Variants in AFF2 observed in about 807,000 individuals in gnomAD.
AFF2 encodes the protein AF4/FMR2 family member 2.
AFF2 carries 14 observed loss-of-function variants against 76.9 expected under a neutral mutation model. That is an observed-to-expected ratio of 0.18 (90% CI 0.12 to 0.28). The LOEUF is 0.28. Ranked by LOEUF, AFF2 falls within the 10% of genes least tolerant of loss-of-function variation. AFF2 has a pLI of 1.00. For missense variants in AFF2, 868 were observed against 1,001.1 expected (o/e 0.87, Z 1.79); for synonymous variants, 398 against 366.7 (o/e 1.09, Z -0.98).
chrX:148,774,537 T>C (rs782100980), intron 3 of AFF2, among the ~76,000 whole-genome samples: 1 of 111,360 alleles, frequency 9.0e-6, no homozygotes, highest in Non-Finnish European at 1.9e-5. Context: ...TCTACATTCC[T>C]CTCTTATTTA....
intron 9 of AFF2, among the ~76,000 whole-genome samples, chrX:148,918,516 T>C (rs1161919455): frequency 8.9e-6 from 1 of 111,904 alleles, no homozygotes; most frequent in Non-Finnish European, 1.9e-5. Flanking sequence ...TTCCTGTTAG[T>C]TGGCTTTTTT....
Position 148,956,185 on chromosome X carries a change from G to A in AFF2, c.2140G>A (p.Asp714Asn), listed in dbSNP as rs2072036253. Residue 714 changes from aspartate to asparagine, a missense_variant, in exon 11 of 21, where the codon GAT becomes AAT. Physicochemically the swap from Asp to Asn is conservative, Grantham distance 23. This residue lies in a region of AFF2 where 532 missense variants were observed against 564.2 expected (regional missense o/e 0.94). Transcript: ENST00000370460. ...AAAGTCTCGGGAATTCATTGAAACA[G>A]ATTCATCTACATCTGACTCCAACAC... is the stretch of plus-strand genomic sequence containing the variant. ...VPKSREFIET[D>N]SSTSDSNTDQ... 1.7e-6 allele frequency: 2 copies of A among 1,211,079 alleles called. No individual in the cohort carries two copies. The highest frequency in any genetic ancestry group is 3.0e-5 in the East Asian group (1 of 33,811).
At chrX:148,875,952 A>G (rs1557277833) in intron 7 of AFF2, among the ~76,000 whole-genome samples, 2 of 111,895 alleles carry the variant, frequency 1.8e-5, no homozygotes, top group African/African-American at 6.5e-5. Flanking sequence ...GAAAAAGTTG[A>G]TATAGTAATA....
At chrX:148,677,457 T>A (rs1482413002) in intron 3 of AFF2, among the ~76,000 whole-genome samples, 1 of 112,314 alleles carries the variant, frequency 8.9e-6, no homozygotes, top group Non-Finnish European at 1.9e-5. Context: ...ACTTAAAAAT[T>A]AATGTCTTAC....
chrX:148,737,779 T>C (rs1180978887), intron 3 of AFF2, among the ~76,000 whole-genome samples: 1 of 111,965 alleles, frequency 8.9e-6, no homozygotes, highest in African/African-American at 3.2e-5. Flanking sequence ...TTTATTACAT[T>C]AAGGTATGTT....
intron 9 of AFF2, among the ~76,000 whole-genome samples, chrX:148,910,868 A>T (rs1473811860): frequency 9.0e-6 from 1 of 111,604 alleles, no homozygotes; most frequent in Non-Finnish European, 1.9e-5. Context: ...GGGTTGATAG[A>T]CCTGGGTTCT....
intron 1 of AFF2, among the ~76,000 whole-genome samples, chrX:148,601,716 G>T (rs1430557476): frequency 3.6e-5 from 4 of 110,905 alleles, no homozygotes; most frequent in African/African-American, 1.3e-4. Context: ...TATTATAAAA[G>T]ATTTTAAGTT....
rs188192108 is a variant in AFF2, at chrX:148,941,237, G to T, written c.1398-12343G>T. On this transcript the variant is annotated intron_variant, in intron 9 of 20. Transcript: ENST00000370460. ...GAACACCTTCTTGTTCTTAATGTGA[G>T]TGTGTCATAATTAGCAATGCATGTG... Among the ~76,000 whole-genome samples the T allele has an allele frequency of 3.0e-3, 338 of 111,669 alleles. 2 individuals carry two copies. The highest frequency in any genetic ancestry group is 0.011 in the African/African-American group (325 of 30,728).
intron 8 of AFF2, among the ~76,000 whole-genome samples, chrX:148,896,975 G>C (rs1201543621): frequency 9.4e-6 from 1 of 106,342 alleles, no homozygotes; most frequent in Non-Finnish European, 1.9e-5. Context: ...CTAGCTTCCT[G>C]TTTCTCCCTC....
chrX:148,975,943 CAAA>C (rs59057839), intron 16 of AFF2, among the ~76,000 whole-genome samples: 2 of 22,717 alleles, frequency 8.8e-5, no homozygotes, highest in Non-Finnish European at 1.1e-4. Flanking sequence ...GACTCCGTCT[CAAA>C]AAAAAAAAAA....
intron 1 of AFF2, among the ~76,000 whole-genome samples, chrX:148,538,675 T>C (rs782551619): frequency 8.9e-6 from 1 of 112,479 alleles, no homozygotes; most frequent in African/African-American, 3.2e-5. Context: ...ATCCTTACTA[T>C]GTGCAAGGTC....
At chrX:148,831,981 T>C (rs1557273380) in intron 4 of AFF2, among the ~76,000 whole-genome samples, 2 of 112,378 alleles carry the variant, frequency 1.8e-5, no homozygotes, top group African/African-American at 6.5e-5. Context: ...AGAAACAGAT[T>C]CAGCAGTCTA....
intron 7 of AFF2, among the ~76,000 whole-genome samples, chrX:148,846,538 T>C (rs1382485160): frequency 8.9e-6 from 1 of 112,051 alleles, no homozygotes; most frequent in Non-Finnish European, 1.9e-5. Context: ...TCTAGCAACA[T>C]AAAAATACAT....
intron 3 of AFF2, among the ~76,000 whole-genome samples, chrX:148,677,956 G>T (rs1206942980): frequency 2.7e-5 from 3 of 111,996 alleles, no homozygotes; most frequent in African/African-American, 9.7e-5. Context: ...ATTTCTGGTG[G>T]TAGAAGCAGG....
chrX:148,947,228 G>C (rs966734848), intron 9 of AFF2, among the ~76,000 whole-genome samples: 3 of 112,283 alleles, frequency 2.7e-5, no homozygotes, highest in African/African-American at 9.7e-5. Flanking sequence ...ATCAGGGTGT[G>C]GCCCAGATCA....
At chrX:148,855,903 A>G (rs1253494818) in intron 7 of AFF2, among the ~76,000 whole-genome samples, 6 of 112,044 alleles carry the variant, frequency 5.4e-5, no homozygotes, top group African/African-American at 1.9e-4. Flanking sequence ...TTTTTGATAA[A>G]CACTTTTATT....
intron 9 of AFF2, among the ~76,000 whole-genome samples, chrX:148,920,115 T>A (rs1557283033): frequency 8.9e-6 from 1 of 112,239 alleles, no homozygotes; most frequent in East Asian, 2.8e-4. Flanking sequence ...CCTAGACATT[T>A]TGTCTCCTAC....
At chrX:148,746,697 G>A (rs1011974467) in intron 3 of AFF2, among the ~76,000 whole-genome samples, 1 of 112,443 alleles carries the variant, frequency 8.9e-6, no homozygotes, top group Non-Finnish European at 1.9e-5. Flanking sequence ...CCTATCCTGG[G>A]CAGGAGACAG....
intron 1 of AFF2, among the ~76,000 whole-genome samples, chrX:148,523,456 C>T (rs1045967722): frequency 6.3e-5 from 7 of 111,889 alleles, no homozygotes; most frequent in Admixed American, 4.7e-4. Context: ...TACATATGCT[C>T]TCCATGTATG....
Sources: gnomAD v4.1 joint callset for allele counts (sites outside exome capture counted in the v4.1 genomes callset) on GRCh38, gnomAD v4.1.1 for gene constraint, gnomAD v4.1.1 regional missense constraint, MANE v1.5 for transcripts, NCBI Gene and HGNC (gene_info 2026-07-23, HGNC 2026-07-21) for gene names.